CAPZB: variants seen among roughly 807,000 people sequenced by gnomAD.
CAPZB encodes the protein F-actin-capping protein subunit beta.
In CAPZB, 2 loss-of-function variants were observed where a neutral mutation model predicts 38.1. That is an observed-to-expected ratio of 0.05 (90% CI 0.02 to 0.17). The LOEUF (loss-of-function observed/expected upper bound fraction) is 0.17, where lower values mean the gene tolerates loss of function less well. Ranked by LOEUF, CAPZB falls within the 10% of genes least tolerant of loss-of-function variation. CAPZB has a pLI of 1.00. For missense variants in CAPZB, 161 were observed against 334.2 expected, an observed-to-expected ratio of 0.48 and a Z score of 4.04; for synonymous variants, 107 against 127.4, an observed-to-expected ratio of 0.84 and a Z score of 1.08.
At chr1:19,390,204 G>A (rs1558215278) in intron 2 of CAPZB, among the ~76,000 whole-genome samples, 1 of 152,204 alleles carries the variant, frequency 6.6e-6, no homozygotes, top group Non-Finnish European at 1.5e-5. Context: ...TTAGAGCAGT[G>A]GAAGAAATCA....
intron 8 of CAPZB, among the ~76,000 whole-genome samples, chr1:19,340,192 G>T (rs757370905): frequency 1.3e-5 from 2 of 152,220 alleles, no homozygotes; most frequent in Non-Finnish European, 2.9e-5. Flanking sequence ...TTGGGAGTGG[G>T]TAAGAACCAG....
intron 1 of CAPZB, among the ~76,000 whole-genome samples, chr1:19,449,783 CAAA>C (rs66655807): frequency 1.7e-4 from 15 of 87,892 alleles, no homozygotes; most frequent in Admixed American, 4.8e-4. Flanking sequence ...GAGTCTGTCT[CAAA>C]AAAAAAAAAA....
At chr1:19,420,025 C>T (rs536460286) in intron 1 of CAPZB, 6 of 411,756 alleles carry the variant, frequency 1.5e-5, no homozygotes, top group South Asian at 9.9e-5. Context: ...GCTCCCTCAC[C>T]GGCTCCCCTG....
At chr1:19,417,903 G>A (rs763328620) in intron 2 of CAPZB, among the ~76,000 whole-genome samples, 5 of 151,996 alleles carry the variant, frequency 3.3e-5, no homozygotes, top group Non-Finnish European at 5.9e-5. Flanking sequence ...TTGGGAGGCC[G>A]AGACAGGCAG....
At chr1:19,406,353 CT>C (rs1193961073) in intron 2 of CAPZB, among the ~76,000 whole-genome samples, 1 of 152,172 alleles carries the variant, frequency 6.6e-6, no homozygotes, top group Non-Finnish European at 1.5e-5. Context: ...GGGTCTTGTG[CT>C]TGTTACCACG....
intron 3 of CAPZB, among the ~76,000 whole-genome samples, chr1:19,384,387 G>A (rs1204068085): frequency 6.6e-6 from 1 of 152,192 alleles, no homozygotes; most frequent in Non-Finnish European, 1.5e-5. Context: ...TTGTGGGAGA[G>A]CCTTCCCTGC....
chr1:19,369,591 T>C (rs1273464092), intron 4 of CAPZB, among the ~76,000 whole-genome samples: 4 of 152,230 alleles, frequency 2.6e-5, no homozygotes, highest in Non-Finnish European at 4.4e-5. Flanking sequence ...ACTGTGGACA[T>C]GCCAGAAGCC....
At chr1:19,444,093 G>C (rs1325652463) in intron 1 of CAPZB, among the ~76,000 whole-genome samples, 2 of 152,194 alleles carry the variant, frequency 1.3e-5, no homozygotes, top group African/African-American at 4.8e-5. Context: ...GGGAGGCAGA[G>C]GTTGCAGGGA....
intron 1 of CAPZB, chr1:19,449,205 T>C: frequency 8.6e-7 from 1 of 1,164,942 alleles, no homozygotes; most frequent in Non-Finnish European, 1.1e-6. Flanking sequence ...TGAAAGGTCA[T>C]GCTTCCCAAA....
At chr1:19,345,698 C>A (rs141849522) in intron 6 of CAPZB, among the ~76,000 whole-genome samples, 1 of 152,264 alleles carries the variant, frequency 6.6e-6, no homozygotes, top group East Asian at 1.9e-4. Context: ...TGCGCCCTGG[C>A]GCTCCCAAAT....
chr1:19,445,085 T>C (rs1217093319), intron 1 of CAPZB, among the ~76,000 whole-genome samples: 1 of 152,164 alleles, frequency 6.6e-6, no homozygotes, highest in Non-Finnish European at 1.5e-5. Context: ...GACACAAAGA[T>C]ATCCATTTCA....
At chr1:19,459,426 G>T (rs1173987794) in intron 1 of CAPZB, among the ~76,000 whole-genome samples, 1 of 152,164 alleles carries the variant, frequency 6.6e-6, no homozygotes, top group Admixed American at 6.5e-5. Flanking sequence ...AGACAATTCG[G>T]AGATTAAAAT....
At chr1:19,342,746 G>A (rs753814545) in intron 8 of CAPZB, 1 of 1,585,130 alleles carries the variant, frequency 6.3e-7, no homozygotes, top group African/African-American at 1.3e-5. Flanking sequence ...CTCTCAGGCA[G>A]GGTACCTGGA....
At chr1:19,419,850 A>G in intron 1 of CAPZB, 100 bp from the exon 2 acceptor site, 1 of 740,914 alleles carries the variant, frequency 1.3e-6, no homozygotes, top group South Asian at 1.7e-5. Context: ...TCTAAAACCC[A>G]AAGAGCCACG....
chr1:19,350,295 C>T (rs2093984836), intron 6 of CAPZB, among the ~76,000 whole-genome samples: 1 of 152,286 alleles, frequency 6.6e-6, no homozygotes, highest in African/African-American at 2.4e-5. Flanking sequence ...TCTAGGCCTC[C>T]ATGTCTTTGC....
intron 6 of CAPZB, among the ~76,000 whole-genome samples, chr1:19,349,181 C>A (rs1300028195): frequency 2.0e-5 from 3 of 152,130 alleles, no homozygotes; most frequent in Non-Finnish European, 4.4e-5. Context: ...TGGGGAGCAC[C>A]CTCAGGAGGG....
At chr1:19,359,181 G>C (rs2094038450) in intron 4 of CAPZB, among the ~76,000 whole-genome samples, 1 of 148,794 alleles carries the variant, frequency 6.7e-6, no homozygotes, top group Admixed American at 6.7e-5. Context: ...CAGAATGTGG[G>C]TGATGGGTAT....
At chr1:19,364,209 C>G (rs999528224) in intron 4 of CAPZB, among the ~76,000 whole-genome samples, 2 of 152,212 alleles carry the variant, frequency 1.3e-5, no homozygotes, top group Non-Finnish European at 1.5e-5. Flanking sequence ...AGACTTTTTT[C>G]TTATTTGTAA....
intron 6 of CAPZB, among the ~76,000 whole-genome samples, chr1:19,353,299 G>A (rs2094001953): frequency 1.3e-5 from 2 of 152,160 alleles, no homozygotes; most frequent in South Asian, 4.1e-4. Context: ...GTGAGCGTGG[G>A]TGACCTGGAT....
Sources: allele counts gnomAD v4.1 joint callset (sites outside exome capture counted in the v4.1 genomes callset), GRCh38; gene constraint gnomAD v4.1.1; transcripts MANE v1.5; gene names NCBI Gene and HGNC (gene_info 2026-07-23, HGNC 2026-07-21).